Variants in PTPRT observed in about 807,000 individuals in gnomAD.
The protein encoded by PTPRT is protein tyrosine phosphatase receptor type T, also known as receptor-type tyrosine-protein phosphatase T.
In PTPRT, 56 loss-of-function variants were observed where a neutral mutation model predicts 176.8. That is an observed-to-expected ratio of 0.32 (90% CI 0.26 to 0.40). PTPRT has a LOEUF of 0.40. PTPRT is among the 10% of genes least tolerant of loss of function. The probability of loss-of-function intolerance (pLI) is 1.00; values close to 1 mark genes in which losing one functional copy is unlikely to be tolerated. For missense variants in PTPRT, 1,540 were observed against 1,908.2 expected (o/e 0.81, Z 3.60); for synonymous variants, 783 against 739.0 (o/e 1.06, Z -0.96).
chr20:42,089,494 G>A (rs940803211), intron 27 of PTPRT, among the ~76,000 whole-genome samples: 3 of 152,158 alleles, frequency 2.0e-5, no homozygotes, highest in African/African-American at 7.2e-5. Flanking sequence ...CTTTTAATAA[G>A]ATTTCCAGAC....
chr20:42,764,573 G>A (rs2076957629), intron 5 of PTPRT, among the ~76,000 whole-genome samples: 1 of 152,132 alleles, frequency 6.6e-6, no homozygotes, highest in Non-Finnish European at 1.5e-5. Flanking sequence ...AGGTAGGCAT[G>A]GAAGAATGAG....
intron 7 of PTPRT, among the ~76,000 whole-genome samples, chr20:42,576,851 C>T (rs955513845): frequency 6.6e-6 from 1 of 152,156 alleles, no homozygotes; most frequent in Admixed American, 6.5e-5. Flanking sequence ...CCCCTGAGCT[C>T]CCAAGGGGTT....
chr20:42,175,675 A>G (rs1428406903), intron 16 of PTPRT, among the ~76,000 whole-genome samples: 2 of 134,194 alleles, frequency 1.5e-5, no homozygotes, highest in Non-Finnish European at 3.4e-5. Flanking sequence ...AGTAAATTTT[A>G]TCTCAAAGGA....
chr20:42,756,408 GC>G, intron 6 of PTPRT, 53 bp downstream of exon 6: 3 of 1,443,964 alleles, frequency 2.1e-6, no homozygotes, highest in Non-Finnish European at 2.8e-6. Context: ...GGGCTTTAAG[GC>G]CCATTAATGC....
At chr20:42,404,040 G>C (rs2058935618) in intron 9 of PTPRT, among the ~76,000 whole-genome samples, 2 of 152,140 alleles carry the variant, frequency 1.3e-5, no homozygotes, top group Admixed American at 6.6e-5. Flanking sequence ...GGACTCAGCT[G>C]AGCTTCTTCC....
At chr20:42,427,985 A>G (rs1189560077) in intron 9 of PTPRT, among the ~76,000 whole-genome samples, 1 of 151,966 alleles carries the variant, frequency 6.6e-6, no homozygotes, top group African/African-American at 2.4e-5. Context: ...CCCCACCCCT[A>G]TCTCCCTTCT....
At chr20:43,097,769 G>GA (rs2012226942) in intron 1 of PTPRT, among the ~76,000 whole-genome samples, 1 of 152,136 alleles carries the variant, frequency 6.6e-6, no homozygotes, top group Non-Finnish European at 1.5e-5. Flanking sequence ...AGAGGGCAAA[G>GA]GACACCTCCA....
intron 7 of PTPRT, among the ~76,000 whole-genome samples, chr20:42,614,319 G>A (rs2074026795): frequency 6.6e-6 from 1 of 152,042 alleles, no homozygotes; most frequent in South Asian, 2.1e-4. Flanking sequence ...TAATTTAACT[G>A]CATGCACAAT....
chr20:42,487,218 T>C (rs575687403), intron 7 of PTPRT, among the ~76,000 whole-genome samples: 31 of 152,240 alleles, frequency 2.0e-4, no homozygotes, highest in African/African-American at 7.0e-4. Context: ...AGGGCAGAAG[T>C]CTAATAGAGA....
chr20:42,520,910 C>T lies in PTPRT; in HGVS notation c.1154-48348G>A, dbSNP rs114429828. ...ATAGTAACTCATGCCTAAACACAAACCCATATCTATTTATCTATCTACCTA... is the reference window on the plus strand; with the variant it reads ...ATAGTAACTCATGCCTAAACACAAATCCATATCTATTTATCTATCTACCTA... On this transcript the variant is annotated intron_variant, in intron 7 of 30. Transcript: ENST00000373187. 6.1e-3 allele frequency among the ~76,000 whole-genome samples: 919 copies of T among 151,102 alleles called. 17 individuals are homozygous for T. The highest frequency in any genetic ancestry group is 0.021 in the African/African-American group (882 of 41,072).
chr20:43,017,803 T>G (rs1985448456), intron 1 of PTPRT, among the ~76,000 whole-genome samples: 1 of 152,188 alleles, frequency 6.6e-6, no homozygotes, highest in South Asian at 2.1e-4. Context: ...AGGAGGCAGC[T>G]GGCAGATGCT....
intron 6 of PTPRT, among the ~76,000 whole-genome samples, chr20:42,737,278 G>A (rs1002973522): frequency 6.6e-6 from 1 of 152,190 alleles, no homozygotes; most frequent in Non-Finnish European, 1.5e-5. Flanking sequence ...GGCAGAGACA[G>A]GAATGATGCA....
chr20:42,238,824 T>C (rs1445099847), intron 14 of PTPRT, among the ~76,000 whole-genome samples: 1 of 152,106 alleles, frequency 6.6e-6, no homozygotes, highest in African/African-American at 2.4e-5. Context: ...AGCCTTAGCA[T>C]CTCAGCACCA....
At chr20:42,333,750 C>G (rs1369023909) in intron 11 of PTPRT, among the ~76,000 whole-genome samples, 3 of 152,172 alleles carry the variant, frequency 2.0e-5, no homozygotes, top group Non-Finnish European at 4.4e-5. Flanking sequence ...GCAATCTCGG[C>G]TCAGAGCAAT....
intron 3 of PTPRT, among the ~76,000 whole-genome samples, chr20:42,790,368 G>A (rs577398974): frequency 8.7e-4 from 133 of 152,016 alleles, no homozygotes; most frequent in African/African-American, 3.1e-3. Context: ...AAGAGAGAGA[G>A]GTTTAGGAAC....
At chr20:42,380,369 C>G (rs1431544458) in intron 9 of PTPRT, among the ~76,000 whole-genome samples, 3 of 152,102 alleles carry the variant, frequency 2.0e-5, no homozygotes, top group African/African-American at 7.2e-5. Flanking sequence ...TCAGGTTTAG[C>G]CCACACTCAC....
intron 17 of PTPRT, among the ~76,000 whole-genome samples, chr20:42,148,533 A>G (rs1304152410): frequency 6.6e-6 from 1 of 152,028 alleles, no homozygotes; most frequent in South Asian, 2.1e-4. Flanking sequence ...GCTGGGATAG[A>G]CAGGGACCCG....
intron 16 of PTPRT, among the ~76,000 whole-genome samples, chr20:42,184,622 T>TCC (rs1990695239): frequency 1.4e-5 from 2 of 140,750 alleles, no homozygotes; most frequent in African/African-American, 5.2e-5. Flanking sequence ...CTTCTCCTCC[T>TCC]TCTTCTCCTT....
chr20:42,771,374 C>G, intron 5 of PTPRT, 61 bp downstream of exon 5: 8 of 1,430,734 alleles, frequency 5.6e-6, no homozygotes, highest in Non-Finnish European at 7.9e-6. Context: ...TGCTTCCTTC[C>G]AGTCCTTCTT....
Sources: gnomAD v4.1 joint callset for allele counts (sites outside exome capture counted in the v4.1 genomes callset) on GRCh38, gnomAD v4.1.1 for gene constraint, MANE v1.5 for transcripts, NCBI Gene and HGNC (gene_info 2026-07-23, HGNC 2026-07-21) for gene names.